The following RBMS3 variants were observed in gnomAD, a reference collection of about 807,000 sequenced individuals.
RBMS3 encodes RNA-binding motif, single-stranded-interacting protein 3.
Under a neutral mutation model 66.8 loss-of-function variants are expected in RBMS3, and 27 were observed. The ratio of observed to expected loss-of-function variants is 0.40; its 90% confidence interval spans 0.30 to 0.56. RBMS3 has a LOEUF of 0.56. Among genes scored for constraint, RBMS3 ranks in the 20% least tolerant of loss-of-function variants. The pLI is 0.40. For synonymous variants in RBMS3, 188 were observed against 183.0 expected (o/e 1.03, Z -0.22); for missense variants, 513 against 549.5 (o/e 0.93, Z 0.66).
intron 4 of RBMS3, among the ~76,000 whole-genome samples, chr3:29,599,010 C>T (rs1037853473): frequency 2.0e-5 from 3 of 151,748 alleles, no homozygotes; most frequent in Non-Finnish European, 2.9e-5. Flanking sequence ...TGGTGATAGT[C>T]GGGGCAGAAT....
At chr3:29,764,627 G>C (rs984189203) in intron 6 of RBMS3, among the ~76,000 whole-genome samples, 6 of 151,872 alleles carry the variant, frequency 4.0e-5, no homozygotes, top group African/African-American at 1.4e-4. Context: ...TTTTTGATTT[G>C]TTCAAAATAT....
intron 4 of RBMS3, among the ~76,000 whole-genome samples, chr3:29,659,706 T>C (rs1370339654): frequency 6.6e-6 from 1 of 152,210 alleles, no homozygotes; most frequent in Non-Finnish European, 1.5e-5. Context: ...CAAAATCTCT[T>C]TGAGGCCTTG....
At chr3:29,994,489 A>G (rs1029218459) in intron 14 of RBMS3, among the ~76,000 whole-genome samples, 19 of 152,324 alleles carry the variant, frequency 1.2e-4, no homozygotes, top group African/African-American at 4.1e-4. Flanking sequence ...GCACAGACAA[A>G]CAAAAAGACA....
intron 2 of RBMS3, among the ~76,000 whole-genome samples, chr3:29,483,565 G>T (rs62236911): frequency 4.6e-5 from 7 of 152,168 alleles, no homozygotes; most frequent in Middle Eastern, 3.4e-3. Flanking sequence ...CTCCTAAGAG[G>T]TTCTGCTGCC....
At chr3:29,853,662 G>T (rs993610136) in intron 6 of RBMS3, among the ~76,000 whole-genome samples, 2 of 151,954 alleles carry the variant, frequency 1.3e-5, no homozygotes, top group Non-Finnish European at 2.9e-5. Flanking sequence ...GATTGGTCGG[G>T]TGTAAGCTAA....
intron 5 of RBMS3, among the ~76,000 whole-genome samples, chr3:29,740,989 C>T (rs1294745213): frequency 3.3e-5 from 5 of 149,658 alleles, no homozygotes; most frequent in East Asian, 2.0e-4. Context: ...TGTGGCAAGC[C>T]GAGATCGCGC....
chr3:29,878,044 G>T (rs1321050421), intron 7 of RBMS3, among the ~76,000 whole-genome samples: 4 of 152,058 alleles, frequency 2.6e-5, no homozygotes, highest in African/African-American at 7.2e-5. Context: ...TGGTTTCAGG[G>T]TGAAGCTCTT....
At chr3:29,648,775 G>A (rs747251180) in intron 4 of RBMS3, among the ~76,000 whole-genome samples, 43 of 151,676 alleles carry the variant, frequency 2.8e-4, no homozygotes, top group Non-Finnish European at 5.6e-4. Flanking sequence ...GCTTACCCCC[G>A]TCACTTCTAG....
chr3:29,675,407 A>G (rs925408075), intron 4 of RBMS3, among the ~76,000 whole-genome samples: 12 of 152,236 alleles, frequency 7.9e-5, no homozygotes, highest in African/African-American at 2.4e-4. Flanking sequence ...AATGGCAAAA[A>G]AAAGCCAAAA....
intron 12 of RBMS3, among the ~76,000 whole-genome samples, chr3:29,974,724 A>G (rs1370101434): frequency 4.0e-5 from 6 of 150,336 alleles, no homozygotes; most frequent in African/African-American, 1.5e-4. Flanking sequence ...CTTTAATTCA[A>G]CATTGTATCT....
chr3:29,676,008 A>G (rs570908153), intron 4 of RBMS3, among the ~76,000 whole-genome samples: 1 of 152,334 alleles, frequency 6.6e-6, no homozygotes, highest in African/African-American at 2.4e-5. Context: ...CACAATAGCA[A>G]AGACTTGGAA....
chr3:29,659,690 G>A (rs1405050271), intron 4 of RBMS3, among the ~76,000 whole-genome samples: 62 of 152,144 alleles, frequency 4.1e-4, no homozygotes, highest in Admixed American at 4.1e-3. Flanking sequence ...TATGCACATG[G>A]GCATACAAAA....
intron 2 of RBMS3, among the ~76,000 whole-genome samples, chr3:29,447,141 G>C (rs2041862054): frequency 6.6e-6 from 1 of 151,936 alleles, no homozygotes; most frequent in African/African-American, 2.4e-5. Flanking sequence ...TCGAACTCCT[G>C]ACCTCAGGTA....
Position 29,393,266 on chromosome 3 carries a change from G to A in RBMS3, c.76-41477G>A, listed in dbSNP as rs367774798. Among the ~76,000 whole-genome samples the A allele has an allele frequency of 3.9e-5, 6 of 152,244 alleles. No individual in the cohort carries two copies. In the South Asian group the frequency reaches 1.2e-3, roughly 32 times the overall value. On this transcript the variant is annotated intron_variant, in intron 1 of 14. Transcript: ENST00000383767. ...AAAAAATGCATGGGACTACCTGCCAGGAACTCATGGTCCAGGATATGATAC... is the reference window on the plus strand; with the variant it reads ...AAAAAATGCATGGGACTACCTGCCAAGAACTCATGGTCCAGGATATGATAC...
rs201951177 is a variant in RBMS3 at position 29,365,517 on chromosome 3, G to GA, written c.76-69217dup. On this transcript the variant is annotated intron_variant, in intron 1 of 14. Transcript: ENST00000383767. ...ATCTGGATCTTCTAGGCTAAAATTT[G>GA]AAAAAAAAATATTATTTCAAACTAC... 9.0e-4 allele frequency among the ~76,000 whole-genome samples: 135 copies of GA among 150,350 alleles called. 1 individual carries two copies. Among genetic ancestry groups the GA allele is most frequent in the Middle Eastern group, 3.4e-3 (1 of 294 alleles).
At chr3:29,728,754 C>G (rs964176264) in intron 4 of RBMS3, among the ~76,000 whole-genome samples, 10 of 152,056 alleles carry the variant, frequency 6.6e-5, no homozygotes, top group Admixed American at 6.6e-5. Context: ...TATATGCCAT[C>G]CTTCACTTAG....
intron 1 of RBMS3, among the ~76,000 whole-genome samples, chr3:29,430,934 T>A (rs2041160224): frequency 6.6e-6 from 1 of 152,198 alleles, no homozygotes; most frequent in East Asian, 1.9e-4. Flanking sequence ...AAATCTCATC[T>A]GACCCATTAT....
intron 4 of RBMS3, among the ~76,000 whole-genome samples, chr3:29,643,560 G>T (rs146114396): frequency 6.6e-6 from 1 of 152,144 alleles, no homozygotes; most frequent in Non-Finnish European, 1.5e-5. Flanking sequence ...GTACATTCAC[G>T]GATCCATATG....
At chr3:29,951,776 T>A (rs548730918) in intron 12 of RBMS3, among the ~76,000 whole-genome samples, 53 of 151,720 alleles carry the variant, frequency 3.5e-4, no homozygotes, top group African/African-American at 1.3e-3. Context: ...TCTTTCTTAT[T>A]GGCCAAACTA....
Sources: gnomAD v4.1 joint callset for allele counts (sites outside exome capture counted in the v4.1 genomes callset) on GRCh38, gnomAD v4.1.1 for gene constraint, MANE v1.5 for transcripts, NCBI Gene and HGNC (gene_info 2026-07-23, HGNC 2026-07-21) for gene names.